ATP11C: variants seen among roughly 807,000 people sequenced by gnomAD.
ATP11C encodes phospholipid-transporting ATPase IG.
A neutral mutation model predicts 97.4 loss-of-function variants in ATP11C; 36 were observed. The ratio of observed to expected loss-of-function variants is 0.37; its 90% CI spans 0.28 to 0.49. ATP11C has a LOEUF of 0.49. Among genes scored for constraint, ATP11C ranks in the 20% least tolerant of loss-of-function variants. The pLI, the probability that ATP11C is intolerant of heterozygous loss-of-function variation, is 0.98. For missense variants in ATP11C, 730 were observed against 824.6 expected (o/e 0.89, Z 1.40); for synonymous variants, 275 against 290.9 (o/e 0.95, Z 0.56).
intron 1 of ATP11C, among the ~76,000 whole-genome samples, chrX:139,853,492 G>T (rs1026897287): frequency 1.8e-5 from 2 of 110,223 alleles, no homozygotes; most frequent in African/African-American, 3.3e-5. Flanking sequence ...AAGAGAGAGA[G>T]ATATACAAGT....
chrX:139,745,985 A>G (rs2081676339), intron 24 of ATP11C, 128 bp from the exon 25 acceptor site: 4 of 726,864 alleles, frequency 5.5e-6, no homozygotes, highest in Non-Finnish European at 7.9e-6. Flanking sequence ...GGCCTGACAG[A>G]TTTTTGGTAA....
chrX:139,903,945 G>T lies in ATP11C; in HGVS notation c.27+28071C>A, dbSNP rs2084936509. ...GGTTTGTTAGAATACAGATTGCCAG[G>T]CCCTACCCAGAGTTTCTGGGGTAGT... On this transcript the variant is annotated intron_variant, in intron 1 of 29. Coordinates refer to ENST00000682941, the MANE Select transcript of ATP11C (RefSeq NM_001353812.2). 2.7e-5 allele frequency among the ~76,000 whole-genome samples: 3 copies of T among 111,069 alleles called. No homozygotes were observed. The Admixed American group carries it at 2.9e-4, about 11-fold the overall frequency.
Position 139,762,042 on chromosome X carries a change from T to C in ATP11C, c.2559A>G (p.Lys853=). The C allele has an allele frequency of 1.7e-6, 2 of 1,208,577 alleles. No individual in the cohort carries two copies. Among genetic ancestry groups the C allele is most frequent in the South Asian group, 3.5e-5 (2 of 56,714 alleles). ...RNSDYSVPKF[K]HLKKLLLAHG... ...GAGCCAACAGCAGTTTCTTTAAGTG[T>C]TTAAACTTTGGAACAGAATAATCGC... is the stretch of plus-strand genomic sequence containing the variant. Residue 853 remains lysine, a synonymous_variant, in exon 22 of 30, where the codon AAA becomes AAG. Coordinates refer to ENST00000682941, the MANE Select transcript of ATP11C (RefSeq NM_001353812.2).
intron 27 of ATP11C, among the ~76,000 whole-genome samples, chrX:139,740,683 T>A (rs1455845606): frequency 9.0e-6 from 1 of 111,317 alleles, no homozygotes; most frequent in Admixed American, 9.5e-5. Flanking sequence ...CCTCTGAAAA[T>A]CACGAGAGGT....
Position 139,800,019 on chromosome X carries a change from C to G in ATP11C, c.710+41G>C, listed in dbSNP as rs751233056. ...TGATTTAACAGAAAAATAGACCCCCCCCCCCAACCAAAGGACAAATTAAAG... is the reference window on the plus strand; with the variant it reads ...TGATTTAACAGAAAAATAGACCCCCGCCCCCAACCAAAGGACAAATTAAAG... On this transcript the variant is annotated intron_variant, in intron 8 of 29. Coordinates refer to ENST00000682941, the MANE Select transcript of ATP11C (RefSeq NM_001353812.2). The G allele has an allele frequency of 7.6e-6, 4 of 527,087 alleles. 1 individual carries two copies. Among genetic ancestry groups the G allele is most frequent in the African/African-American group, 2.5e-5 (1 of 40,020 alleles). 43.4% of individuals were successfully genotyped at this position (527,087 alleles called of 1,213,427 possible). A position where few individuals can be genotyped will look rare whatever the true frequency, so the allele number is the denominator to read the frequency against.
chrX:139,740,154 T>C (rs2081526199), intron 27 of ATP11C, among the ~76,000 whole-genome samples: 1 of 111,762 alleles, frequency 8.9e-6, no homozygotes, highest in South Asian at 3.8e-4. Flanking sequence ...TCTTACACTA[T>C]GGCTTGCTCT....
intron 8 of ATP11C, among the ~76,000 whole-genome samples, chrX:139,798,992 G>T (rs1484909870): frequency 2.7e-5 from 3 of 111,257 alleles, no homozygotes; most frequent in African/African-American, 9.8e-5. Context: ...AATACATGGG[G>T]GGGGATAAAA....
intron 1 of ATP11C, among the ~76,000 whole-genome samples, chrX:139,899,217 A>C (rs2084856590): frequency 9.0e-6 from 1 of 111,517 alleles, no homozygotes; most frequent in Non-Finnish European, 1.9e-5. Flanking sequence ...GCAATGGCTC[A>C]AGCTTATAAT....
intron 24 of ATP11C, among the ~76,000 whole-genome samples, chrX:139,747,965 C>T (rs755122322): frequency 9.0e-5 from 10 of 111,402 alleles, no homozygotes; most frequent in African/African-American, 2.3e-4. Context: ...GGCAAGTCTA[C>T]GCAAAATTCA....
At chrX:139,919,476 CACACACACACACACACAA>C (rs1220971316) in intron 1 of ATP11C, among the ~76,000 whole-genome samples, 1 of 108,970 alleles carries the variant, frequency 9.2e-6, no homozygotes, top group Admixed American at 9.9e-5. Context: ...CACACACACA[CACACACACACACACACAA>C]ACTACTTATT....
intron 26 of ATP11C, among the ~76,000 whole-genome samples, chrX:139,743,191 ACTCTCTCTCTCTCTCTCG>A (rs2081607272): frequency 9.7e-6 from 1 of 103,477 alleles, no homozygotes; most frequent in African/African-American, 3.5e-5. Flanking sequence ...ACACACACAC[ACTCTCTCTCTCTCTCTCG>A]CTCTCTCTCT....
chrX:139,776,518 G>C (rs1034645867), intron 18 of ATP11C, among the ~76,000 whole-genome samples: 1 of 111,695 alleles, frequency 9.0e-6, no homozygotes, highest in Non-Finnish European at 1.9e-5. Flanking sequence ...CCTACGACAG[G>C]GGCATAATGG....
chrX:139,785,518 T>G (rs2082553477), intron 15 of ATP11C, among the ~76,000 whole-genome samples: 1 of 111,380 alleles, frequency 9.0e-6, no homozygotes, highest in Non-Finnish European at 1.9e-5. Context: ...CCTCAGTATA[T>G]TACTTAAAAT....
At chrX:139,880,928 T>C (rs2084551481) in intron 1 of ATP11C, among the ~76,000 whole-genome samples, 1 of 111,894 alleles carries the variant, frequency 8.9e-6, no homozygotes, top group Middle Eastern at 4.2e-3. Context: ...AAGACAGATA[T>C]AAGCAACTGT....
At chrX:139,873,725 A>T (rs1024830962) in intron 1 of ATP11C, among the ~76,000 whole-genome samples, 1 of 107,725 alleles carries the variant, frequency 9.3e-6, no homozygotes, top group Non-Finnish European at 1.9e-5. Context: ...AAAAAAAAAA[A>T]AAAGGTTAAG....
At chrX:139,936,807 A>G (rs1269286072), upstream of ATP11C, among the ~76,000 whole-genome samples, 1 of 111,082 alleles carries the variant, frequency 9.0e-6, no homozygotes, top group East Asian at 2.9e-4. Context: ...GTGACGAAGG[A>G]GCGCAAACTG....
intron 20 of ATP11C, among the ~76,000 whole-genome samples, chrX:139,767,174 T>C (rs2082156220): frequency 8.9e-6 from 1 of 111,882 alleles, no homozygotes; most frequent in East Asian, 2.8e-4. Context: ...AAAAAGAATG[T>C]ATGATAGGAA....
rs1212958071 is a variant in ATP11C at position 139,743,622 on chromosome X, T to C, written c.2967A>G (p.Val989=). 1 of 1,128,927 alleles carries C rather than the reference T, an allele frequency of 8.9e-7. No homozygotes were observed. The allele number at this position is 1,128,927 out of a possible 1,213,427, so 93.0% of individuals were successfully genotyped here. The change falls in exon 26 of 30, where the codon GTA becomes GTG. Residue 989 remains valine (V), a splice_region_variant and synonymous_variant. Coordinates refer to ENST00000682941, the MANE Select transcript of ATP11C (RefSeq NM_001353812.2). ...QTASLEENGK[V]YGNWTFGTIV... ...TGGTTCCAAAAGTCCAGTTTCCGTA[T>C]ACCTGAAAAACATTTAATAATTACA... is the stretch of plus-strand genomic sequence containing the variant.
chrX:139,809,575 G>A (rs1372591145), intron 5 of ATP11C, among the ~76,000 whole-genome samples: 1 of 112,282 alleles, frequency 8.9e-6, no homozygotes, highest in Non-Finnish European at 1.9e-5. Context: ...TGGGATAATG[G>A]AAAAGTTCTG....
Sources: allele counts gnomAD v4.1 joint callset (sites outside exome capture counted in the v4.1 genomes callset), GRCh38; gene constraint gnomAD v4.1.1; transcripts MANE v1.5; gene names NCBI Gene and HGNC (gene_info 2026-07-23, HGNC 2026-07-21).